THSD7B: variants seen among roughly 807,000 people sequenced by gnomAD.
THSD7B encodes thrombospondin type 1 domain containing 7B, also known as thrombospondin type-1 domain-containing protein 7B.
Under a neutral mutation model 213.6 loss-of-function variants are expected in THSD7B, and 138 were observed. That is an observed-to-expected ratio of 0.65 (90% confidence interval 0.56 to 0.74). THSD7B has a LOEUF of 0.74. Among genes scored for constraint, THSD7B ranks in the 30% least tolerant of loss-of-function variants. The pLI is 0.00. For missense variants in THSD7B, 1,931 were observed against 1,991.5 expected (o/e 0.97, Z 0.58); for synonymous variants, 742 against 687.0 (o/e 1.08, Z -1.25).
At chr2:137,213,310 C>T (rs936290730) in intron 7 of THSD7B, among the ~76,000 whole-genome samples, 1 of 148,928 alleles carries the variant, frequency 6.7e-6, no homozygotes, top group African/African-American at 2.4e-5. Context: ...TCCATTTGCA[C>T]ATTTTATTAG....
At position 137,017,283 on chromosome 2, in the gene THSD7B, TG is replaced by T. The variant is rs1218681558; in HGVS notation, c.140-39136del. Among the ~76,000 whole-genome samples the T allele has an allele frequency of 4.7e-5, 7 of 147,852 alleles. No homozygotes were observed. The South Asian group carries it at 1.5e-3, about 31-fold the overall frequency. On this transcript the variant is annotated intron_variant, in intron 2 of 27. Coordinates refer to ENST00000409968, the MANE Select transcript of THSD7B (RefSeq NM_001316349.2). ...CTGAAGTTGAACGAAGGGGCTTCCATGTTTTTTTTTTTTCTCTGTCTCTCTC... is the reference window on the plus strand; with the variant it reads ...CTGAAGTTGAACGAAGGGGCTTCCATTTTTTTTTTTTTCTCTGTCTCTCTC...
chr2:137,340,587 C>A (rs964894137), intron 12 of THSD7B, among the ~76,000 whole-genome samples: 1 of 151,688 alleles, frequency 6.6e-6, no homozygotes, highest in African/African-American at 2.4e-5. Flanking sequence ...TTTCCATATC[C>A]CAAACCCCTG....
chr2:137,544,728 A>G (rs1475711988), intron 15 of THSD7B, among the ~76,000 whole-genome samples: 3 of 151,730 alleles, frequency 2.0e-5, no homozygotes, highest in East Asian at 3.9e-4. Context: ...ACCTTTATAT[A>G]GTGATTTATA....
intron 7 of THSD7B, among the ~76,000 whole-genome samples, chr2:137,203,688 ACAT>A (rs969906418): frequency 6.6e-6 from 1 of 152,048 alleles, no homozygotes; most frequent in African/African-American, 2.4e-5. Flanking sequence ...GGACTTCAAA[ACAT>A]CAATAAGGAA....
chr2:137,288,800 T>C (rs1384382627), intron 12 of THSD7B, among the ~76,000 whole-genome samples: 1 of 150,990 alleles, frequency 6.6e-6, no homozygotes, highest in Non-Finnish European at 1.5e-5. Flanking sequence ...ATAATATATA[T>C]ATATATATAT....
chr2:137,138,279 A>G (rs1297952564), intron 5 of THSD7B, among the ~76,000 whole-genome samples: 2 of 152,120 alleles, frequency 1.3e-5, no homozygotes. Context: ...TAATAGTTTG[A>G]TAGGATTTCT....
intron 17 of THSD7B, among the ~76,000 whole-genome samples, chr2:137,581,268 C>T (rs2105245786): frequency 6.6e-6 from 1 of 152,262 alleles, no homozygotes; most frequent in African/African-American, 2.4e-5. Flanking sequence ...TTTTGAAATA[C>T]ACATTAATTC....
intron 17 of THSD7B, among the ~76,000 whole-genome samples, chr2:137,604,291 A>G (rs1232662331): frequency 6.6e-6 from 1 of 152,038 alleles, no homozygotes; most frequent in African/African-American, 2.4e-5. Context: ...AAATGACTCA[A>G]TTCCTCTCTT....
intron 12 of THSD7B, among the ~76,000 whole-genome samples, chr2:137,343,588 C>T (rs1411566811): frequency 1.3e-5 from 2 of 151,640 alleles, no homozygotes; most frequent in Admixed American, 6.6e-5. Context: ...CCGTTCTGTG[C>T]CAATGCAGGA....
chr2:136,890,377 CTCTTCCTCTTCCTCTTCCTCTTCCTCT>C (rs1558839985), intron 2 of THSD7B, among the ~76,000 whole-genome samples: 6 of 1,462 alleles, frequency 4.1e-3, no homozygotes, highest in African/African-American at 0.013. Context: ...CTTCTTCTTC[CTCTTCCTCTTCCTCTTCCTCTTCCTCT>C]TCCTCTTCTT....
rs74728433 is a variant in THSD7B at position 137,344,849 on chromosome 2, A to G, written c.2501-60764A>G. On this transcript the variant is annotated intron_variant, in intron 12 of 27. Transcript: ENST00000409968. ...GCCCTTGCATATCCTCTGCATTCCC[A>G]CCTAGGTCAAGTGGCAGTGATGAGG... Among the ~76,000 whole-genome samples the G allele has an allele frequency of 2.5e-3, 387 of 151,786 alleles. 5 individuals are homozygous for G. The highest frequency in any genetic ancestry group is 3.4e-3 in the Middle Eastern group (1 of 294).
intron 27 of THSD7B, among the ~76,000 whole-genome samples, chr2:137,670,185 T>C (rs1163121829): frequency 1.3e-5 from 2 of 152,158 alleles, no homozygotes; most frequent in East Asian, 1.9e-4. Context: ...CCTGTGGAAG[T>C]AGCGCTCATA....
intron 1 of THSD7B, among the ~76,000 whole-genome samples, chr2:136,829,091 T>C (rs1192851842): frequency 1.3e-5 from 2 of 152,108 alleles, no homozygotes; most frequent in Non-Finnish European, 2.9e-5. Flanking sequence ...TCTTTCTTAC[T>C]GTATTTTTGA....
intron 12 of THSD7B, among the ~76,000 whole-genome samples, chr2:137,395,777 T>C (rs1686166613): frequency 6.6e-6 from 1 of 151,826 alleles, no homozygotes; most frequent in African/African-American, 2.4e-5. Flanking sequence ...AATTCAGCTG[T>C]GAATCCATCT....
At chr2:137,499,247 C>T (rs1166402000) in intron 15 of THSD7B, among the ~76,000 whole-genome samples, 1 of 152,170 alleles carries the variant, frequency 6.6e-6, no homozygotes, top group Non-Finnish European at 1.5e-5. Context: ...TATTCTATTA[C>T]AGTGTACAGT....
intron 17 of THSD7B, among the ~76,000 whole-genome samples, chr2:137,603,131 A>G (rs1278426536): frequency 6.6e-6 from 1 of 152,234 alleles, no homozygotes; most frequent in Admixed American, 6.5e-5. Context: ...ACAGTCCAGC[A>G]TGAACGCCTC....
intron 1 of THSD7B, among the ~76,000 whole-genome samples, chr2:136,778,645 A>G (rs1421419407): frequency 2.0e-5 from 3 of 152,222 alleles, no homozygotes; most frequent in Admixed American, 1.3e-4. Context: ...GGGTTTCCCA[A>G]TGAAATTCTT....
intron 12 of THSD7B, among the ~76,000 whole-genome samples, chr2:137,312,173 A>T (rs1683931445): frequency 6.6e-6 from 1 of 152,146 alleles, no homozygotes; most frequent in Non-Finnish European, 1.5e-5. Context: ...GATTATTGCC[A>T]CAATTTCAGC....
At chr2:137,355,570 A>C (rs1685107865) in intron 12 of THSD7B, among the ~76,000 whole-genome samples, 1 of 152,166 alleles carries the variant, frequency 6.6e-6, no homozygotes, top group Non-Finnish European at 1.5e-5. Flanking sequence ...AGAGGGGACC[A>C]GAGTATCATT....
Sources: gnomAD v4.1 joint callset for allele counts (sites outside exome capture counted in the v4.1 genomes callset) on GRCh38, gnomAD v4.1.1 for gene constraint, MANE v1.5 for transcripts, NCBI Gene and HGNC (gene_info 2026-07-23, HGNC 2026-07-21) for gene names.